ZFHX3: variants seen among roughly 807,000 people sequenced by gnomAD.
The protein encoded by ZFHX3 is zinc finger homeobox protein 3.
Under a neutral mutation model 279.1 loss-of-function variants are expected in ZFHX3, and 42 were observed. The observed-to-expected ratio is 0.15, with a 90% CI of 0.12 to 0.19. The LOEUF is 0.19. Ranked by LOEUF, ZFHX3 falls within the 10% of genes least tolerant of loss-of-function variation. The pLI is 1.00. For missense variants in ZFHX3, 4,981 were observed against 4,754.0 expected, an observed-to-expected ratio of 1.05 and a Z score of -1.40; for synonymous variants, 2,293 against 1,957.8, an observed-to-expected ratio of 1.17 and a Z score of -4.52.
intron 1 of ZFHX3, among the ~76,000 whole-genome samples, chr16:73,862,734 G>A (rs1056490623): frequency 2.6e-4 from 40 of 152,004 alleles, no homozygotes; most frequent in Admixed American, 2.4e-3. Flanking sequence ...CTGTGATCAC[G>A]CCACTGCACT....
chr16:73,832,442 G>A (rs556579665), intron 1 of ZFHX3, among the ~76,000 whole-genome samples: 138 of 152,140 alleles, frequency 9.1e-4, no homozygotes, highest in African/African-American at 3.1e-3. Flanking sequence ...ATAGAAGACT[G>A]AAAAAAGCAT....
At chr16:73,804,860 C>T (rs1224821025) in intron 1 of ZFHX3, among the ~76,000 whole-genome samples, 1 of 138,622 alleles carries the variant, frequency 7.2e-6, no homozygotes, top group Non-Finnish European at 1.5e-5. Flanking sequence ...ACTACATACA[C>T]ACTTAACACA....
intron 3 of ZFHX3, among the ~76,000 whole-genome samples, chr16:73,376,901 T>C (rs2016732269): frequency 6.6e-6 from 1 of 152,156 alleles, no homozygotes; most frequent in Non-Finnish European, 1.5e-5. Flanking sequence ...TTCTAATTAT[T>C]GCCCTTTAAT....
At chr16:73,202,530 C>T (rs1054132611) in intron 5 of ZFHX3, among the ~76,000 whole-genome samples, 5 of 152,162 alleles carry the variant, frequency 3.3e-5, no homozygotes, top group African/African-American at 9.7e-5. Flanking sequence ...GGAAGATGTT[C>T]GGGCTGCTGG....
chr16:73,612,134 TA>T (rs2052252979), intron 2 of ZFHX3, among the ~76,000 whole-genome samples: 1 of 152,142 alleles, frequency 6.6e-6, no homozygotes, highest in South Asian at 2.1e-4. Context: ...TAAAGGCAAT[TA>T]AAAACTGCAG....
At chr16:73,565,927 AG>A (rs1364870397) in intron 2 of ZFHX3, among the ~76,000 whole-genome samples, 1 of 152,176 alleles carries the variant, frequency 6.6e-6, no homozygotes, top group Non-Finnish European at 1.5e-5. Flanking sequence ...GGATTTAAAA[AG>A]TAACACATAA....
At chr16:73,651,756 G>A (rs1369582984) in intron 2 of ZFHX3, among the ~76,000 whole-genome samples, 2 of 145,258 alleles carry the variant, frequency 1.4e-5, no homozygotes, top group Admixed American at 7.0e-5. Context: ...TCGGGAGGCT[G>A]ACTCAGGAGA....
intron 7 of ZFHX3, among the ~76,000 whole-genome samples, chr16:73,114,489 A>T (rs926154604): frequency 6.6e-6 from 1 of 151,880 alleles, no homozygotes; most frequent in African/African-American, 2.4e-5. Context: ...CAACCTGGGC[A>T]ACATAGTGAG....
chr16:73,699,299 C>T (rs74028430), intron 1 of ZFHX3, among the ~76,000 whole-genome samples: 1 of 151,976 alleles, frequency 6.6e-6, no homozygotes, highest in African/African-American at 2.4e-5. Context: ...TTCTCTAAGT[C>T]TGAAATTATT....
intron 2 of ZFHX3, among the ~76,000 whole-genome samples, chr16:73,613,841 C>T (rs1238168101): frequency 6.6e-6 from 1 of 152,174 alleles, no homozygotes; most frequent in African/African-American, 2.4e-5. Flanking sequence ...AGTCAAGAAC[C>T]GAGTTCCTGC....
chr16:72,826,520 A>G (rs2036933711), intron 5 of ZFHX3, among the ~76,000 whole-genome samples: 3 of 152,196 alleles, frequency 2.0e-5, no homozygotes, highest in Admixed American at 6.5e-5. Context: ...ATATAAAATA[A>G]TAAGGATCCA....
chr16:73,722,744 T>G (rs2053485734), intron 1 of ZFHX3, among the ~76,000 whole-genome samples: 1 of 152,158 alleles, frequency 6.6e-6, no homozygotes. Flanking sequence ...CAAAAAAAGT[T>G]TGCCATATTT....
intron 3 of ZFHX3, among the ~76,000 whole-genome samples, chr16:72,918,572 T>A (rs16971410): frequency 0.11 from 16,153 of 152,092 alleles, 1,168 homozygotes; most frequent in African/African-American, 0.2. Context: ...TGCAGGTAAC[T>A]AGGCAGCCAG....
intron 3 of ZFHX3, among the ~76,000 whole-genome samples, chr16:72,910,374 T>C (rs923112973): frequency 6.6e-6 from 1 of 152,340 alleles, no homozygotes; most frequent in East Asian, 1.9e-4. Flanking sequence ...CTTCCTAAGA[T>C]GCTCTTAAGA....
intron 8 of ZFHX3, among the ~76,000 whole-genome samples, chr16:73,075,677 A>G (rs1965879972): frequency 6.6e-6 from 1 of 151,680 alleles, no homozygotes; most frequent in Non-Finnish European, 1.5e-5. Context: ...TCTGTGGCCC[A>G]GGCTGGAGTT....
chr16:73,401,788 G>C (rs991311012), intron 3 of ZFHX3: 2 of 152,178 alleles, frequency 1.3e-5, no homozygotes, highest in African/African-American at 4.8e-5. Flanking sequence ...TAGATAATTG[G>C]GTAATTGTTC....
At chr16:73,607,280 G>A (rs1019378605) in intron 2 of ZFHX3, among the ~76,000 whole-genome samples, 21 of 152,124 alleles carry the variant, frequency 1.4e-4, no homozygotes, top group Admixed American at 6.6e-4. Flanking sequence ...ACCCACCTTG[G>A]CCTCCCAAAC....
chr16:73,644,935 A>G (rs566609138), intron 2 of ZFHX3, among the ~76,000 whole-genome samples: 7 of 152,312 alleles, frequency 4.6e-5, no homozygotes, highest in African/African-American at 1.7e-4. Context: ...GCTGACACGA[A>G]GATTCTCAAG....
intron 2 of ZFHX3, among the ~76,000 whole-genome samples, chr16:73,587,110 T>G (rs796700190): frequency 5.3e-5 from 8 of 152,290 alleles, no homozygotes; most frequent in African/African-American, 1.4e-4. Flanking sequence ...CTTCAAAAAT[T>G]ATATTCGAAG....
Sources: allele counts gnomAD v4.1 joint callset (sites outside exome capture counted in the v4.1 genomes callset), GRCh38; gene constraint gnomAD v4.1.1; transcripts MANE v1.5; gene names NCBI Gene and HGNC (gene_info 2026-07-23, HGNC 2026-07-21).